PRKG1: variants seen among roughly 807,000 people sequenced by gnomAD.
PRKG1 encodes protein kinase cGMP-dependent 1.
Under a neutral mutation model 88.1 loss-of-function variants are expected in PRKG1, and 35 were observed. The observed-to-expected ratio is 0.40, with a 90% CI of 0.30 to 0.53. The LOEUF (loss-of-function observed/expected upper bound fraction) is 0.53, where lower values mean the gene tolerates loss of function less well. Ranked by LOEUF, PRKG1 falls within the 20% of genes least tolerant of loss-of-function variation. The pLI is 0.59. For missense variants in PRKG1, 540 were observed against 839.8 expected (o/e 0.64, Z 4.41); for synonymous variants, 303 against 292.5 (o/e 1.04, Z -0.37).
At chr10:51,135,117 G>A (rs1046835303) in intron 1 of PRKG1, among the ~76,000 whole-genome samples, 1 of 152,122 alleles carries the variant, frequency 6.6e-6, no homozygotes, top group African/African-American at 2.4e-5. Flanking sequence ...TAGAAGTAGA[G>A]GGTGCTGTGA....
chr10:51,877,754 C>T (rs1472431393), intron 4 of PRKG1, among the ~76,000 whole-genome samples: 2 of 152,210 alleles, frequency 1.3e-5, no homozygotes, highest in East Asian at 1.9e-4. Context: ...TTCTTTAAGA[C>T]ATGCTGTTTC....
chr10:51,670,753 TAAATAAATA>T (rs1589180742), intron 3 of PRKG1, among the ~76,000 whole-genome samples: 1 of 73,606 alleles, frequency 1.4e-5, no homozygotes, highest in Non-Finnish European at 3.2e-5. Flanking sequence ...AATAAATAAA[TAAATAAATA>T]AATAAATAAA....
chr10:51,331,550 C>A (rs1040463685), intron 2 of PRKG1, among the ~76,000 whole-genome samples: 8 of 152,148 alleles, frequency 5.3e-5, no homozygotes, highest in Non-Finnish European at 1.2e-4. Flanking sequence ...TCTCTCCATG[C>A]TTAGCTGTGC....
intron 9 of PRKG1, among the ~76,000 whole-genome samples, chr10:52,163,525 C>T (rs1200601054): frequency 6.6e-6 from 1 of 151,852 alleles, no homozygotes; most frequent in Non-Finnish European, 1.5e-5. Context: ...CCCTATTAAA[C>T]TTTGAAAGTT....
intron 6 of PRKG1, among the ~76,000 whole-genome samples, chr10:52,056,761 T>C (rs2133258800): frequency 6.6e-6 from 1 of 152,192 alleles, no homozygotes; most frequent in Non-Finnish European, 1.5e-5. Context: ...GTATTAATTT[T>C]ATTCATTCTA....
chr10:51,239,105 G>C (rs1203500266), intron 2 of PRKG1, among the ~76,000 whole-genome samples: 1 of 152,058 alleles, frequency 6.6e-6, no homozygotes, highest in Admixed American at 6.6e-5. Flanking sequence ...TACAAGATTG[G>C]AGTTCGGACA....
At chr10:51,429,742 C>T (rs75139434) in intron 2 of PRKG1, among the ~76,000 whole-genome samples, 3,077 of 149,520 alleles carry the variant, frequency 0.021, 96 homozygotes, top group African/African-American at 0.071. Context: ...GAGAGAAGAA[C>T]ATAGATCAGT....
intron 5 of PRKG1, among the ~76,000 whole-genome samples, chr10:52,023,179 T>TC (rs1282082476): frequency 6.6e-6 from 1 of 152,156 alleles, no homozygotes; most frequent in East Asian, 1.9e-4. Flanking sequence ...TGGTTTTCTG[T>TC]CTTGTGTTAG....
At chr10:51,272,360 GT>G (rs139620358) in intron 2 of PRKG1, among the ~76,000 whole-genome samples, 8,925 of 151,098 alleles carry the variant, frequency 0.059, 848 homozygotes, top group African/African-American at 0.2. Flanking sequence ...TTATCGTGGG[GT>G]GGGGGGCTAG....
chr10:51,516,032 C>T (rs941825929), intron 3 of PRKG1, among the ~76,000 whole-genome samples: 2 of 152,152 alleles, frequency 1.3e-5, no homozygotes, highest in Admixed American at 6.5e-5. Context: ...GGTCAAAGGG[C>T]CAGTGTGACA....
chr10:51,615,365 T>C (rs1034951564), intron 3 of PRKG1, among the ~76,000 whole-genome samples: 1 of 152,152 alleles, frequency 6.6e-6, no homozygotes, highest in Admixed American at 6.5e-5. Context: ...CTCTATCTGA[T>C]GTCTAAATCT....
At chr10:51,263,873 C>A (rs1839776339) in intron 2 of PRKG1, among the ~76,000 whole-genome samples, 1 of 152,124 alleles carries the variant, frequency 6.6e-6, no homozygotes, top group African/African-American at 2.4e-5. Context: ...TGTTAAAATT[C>A]CCTTTTAGAG....
intron 2 of PRKG1, among the ~76,000 whole-genome samples, chr10:51,263,474 A>C (rs1404250332): frequency 6.6e-6 from 1 of 152,130 alleles, no homozygotes; most frequent in Non-Finnish European, 1.5e-5. Flanking sequence ...ACATTGCTCT[A>C]ATTAACCCAT....
intron 9 of PRKG1, among the ~76,000 whole-genome samples, chr10:52,198,574 G>A (rs2134761): frequency 1 from 151,700 of 152,308 alleles, 75,549 homozygotes; most frequent in Middle Eastern, 1. Context: ...GTGACAAATT[G>A]CCACAAAATG....
At chr10:51,490,376 T>C (rs558484111) in intron 3 of PRKG1, among the ~76,000 whole-genome samples, 246 of 152,248 alleles carry the variant, frequency 1.6e-3, no homozygotes, top group Non-Finnish European at 2.6e-3. Context: ...TGCAGCAACA[T>C]AAGTGAAAAT....
chr10:51,669,026 C>A (rs1250245530), intron 3 of PRKG1, among the ~76,000 whole-genome samples: 1 of 152,168 alleles, frequency 6.6e-6, no homozygotes, highest in Non-Finnish European at 1.5e-5. Context: ...TTAATCTGAG[C>A]TGTTCACGCT....
intron 1 of PRKG1, among the ~76,000 whole-genome samples, chr10:51,130,570 CT>C (rs953440660): frequency 1.1e-3 from 166 of 151,718 alleles, no homozygotes; most frequent in African/African-American, 3.9e-3. Flanking sequence ...ATTCCATCTA[CT>C]TTTTTTTATT....
intron 2 of PRKG1, among the ~76,000 whole-genome samples, chr10:51,204,945 C>T (rs1243331629): frequency 6.6e-6 from 1 of 151,848 alleles, no homozygotes; most frequent in East Asian, 1.9e-4. Flanking sequence ...GAGGCTATTG[C>T]CATTTCTGAG....
At chr10:51,014,488 G>A (rs1387677548) in intron 1 of PRKG1, among the ~76,000 whole-genome samples, 1 of 152,114 alleles carries the variant, frequency 6.6e-6, no homozygotes, top group East Asian at 1.9e-4. Flanking sequence ...AATCCAAGAG[G>A]TAAGTAATAG....
Sources: allele counts gnomAD v4.1 joint callset (sites outside exome capture counted in the v4.1 genomes callset), GRCh38; gene constraint gnomAD v4.1.1; transcripts MANE v1.5; gene names NCBI Gene and HGNC (gene_info 2026-07-23, HGNC 2026-07-21).